Variants in ACACB observed in about 807,000 individuals in gnomAD.
ACACB encodes the protein acetyl-CoA carboxylase 2.
Under a neutral mutation model 278.8 loss-of-function variants are expected in ACACB, and 209 were observed. The observed-to-expected ratio is 0.75, with a 90% CI of 0.67 to 0.84. The LOEUF (loss-of-function observed/expected upper bound fraction) is 0.84. Ranked by LOEUF, ACACB falls within the 40% of genes least tolerant of loss-of-function variation. The probability of loss-of-function intolerance (pLI) is 0.00; values close to 1 mark genes in which losing one functional copy is unlikely to be tolerated. For missense variants in ACACB, 2,850 were observed against 3,269.0 expected, an observed-to-expected ratio of 0.87 and a Z score of 3.13; for synonymous variants, 1,174 against 1,285.6, an observed-to-expected ratio of 0.91 and a Z score of 1.86.
intron 12 of ACACB, among the ~76,000 whole-genome samples, chr12:109,186,629 C>T (rs538445548): frequency 6.4e-4 from 97 of 152,248 alleles, no homozygotes; most frequent in African/African-American, 2.2e-3. Context: ...CATCAATCTA[C>T]TACAACTTAA....
At chr12:109,212,969 G>A in intron 22 of ACACB, 33 bp downstream of exon 22, 7 of 1,589,304 alleles carry the variant, frequency 4.4e-6, no homozygotes, top group Non-Finnish European at 6.0e-6. Flanking sequence ...GGATGTGGTT[G>A]TCACCTGAAT....
At chr12:109,253,561 A>G (rs553052972) in intron 43 of ACACB, among the ~76,000 whole-genome samples, 2 of 152,284 alleles carry the variant, frequency 1.3e-5, no homozygotes, top group East Asian at 1.9e-4. Context: ...CATCTGTGAA[A>G]TGAGAATAAT....
At chr12:109,159,286 GA>G (rs2043644383) in intron 2 of ACACB, among the ~76,000 whole-genome samples, 1 of 152,226 alleles carries the variant, frequency 6.6e-6, no homozygotes, top group Non-Finnish European at 1.5e-5. Context: ...GCCTGGCTCA[GA>G]ATCAGCTCTT....
intron 19 of ACACB, among the ~76,000 whole-genome samples, chr12:109,205,310 C>G (rs2045469523): frequency 6.6e-6 from 1 of 152,198 alleles, no homozygotes; most frequent in Non-Finnish European, 1.5e-5. Flanking sequence ...CCTGCAGCCT[C>G]ACATAAATGC....
chr12:109,127,822 T>C (rs1394622394), intron 1 of ACACB, among the ~76,000 whole-genome samples: 1 of 152,038 alleles, frequency 6.6e-6, no homozygotes, highest in Non-Finnish European at 1.5e-5. Flanking sequence ...TTTTCAAGTC[T>C]TACAGTTCGC....
chr12:109,227,459 A>T lies in ACACB; in HGVS notation c.3971A>T (p.Gln1324Leu), dbSNP rs770661460. ...LPDGTCVVEF[Q>L]FMLPSSHPNR... is the part of the protein sequence containing the mutation. ...GACGGCACCTGCGTGGTAGAATTCC[A>T]GTTCATGCTGCCGTCCTCCCACCCA... Residue 1324 changes from glutamine to leucine, a missense_variant, in exon 28 of 53, where the codon CAG becomes CTG. Gln to Leu is a moderately radical substitution (Grantham distance 113, BLOSUM62 -2). Transcript: ENST00000338432. 3.7e-6 allele frequency: 6 copies of T among 1,614,034 alleles called. No homozygotes were observed. The highest frequency in any genetic ancestry group is 1.7e-5 in the Admixed American group (1 of 60,006).
intron 2 of ACACB, among the ~76,000 whole-genome samples, chr12:109,161,777 T>A (rs992209408): frequency 1.3e-5 from 2 of 151,874 alleles, no homozygotes; most frequent in Admixed American, 6.6e-5. Flanking sequence ...TATACCTACA[T>A]GTATACATGG....
chr12:109,144,073 G>A (rs2043182512), intron 2 of ACACB, among the ~76,000 whole-genome samples: 1 of 152,170 alleles, frequency 6.6e-6, no homozygotes, highest in Non-Finnish European at 1.5e-5. Flanking sequence ...AGTACTTTGG[G>A]AGGCTGAGGT....
intron 12 of ACACB, among the ~76,000 whole-genome samples, chr12:109,187,641 G>A (rs2044709777): frequency 6.6e-6 from 1 of 151,686 alleles, no homozygotes; most frequent in African/African-American, 2.4e-5. Context: ...TTAATTTTTT[G>A]TAGAGATGGG....
intron 1 of ACACB, among the ~76,000 whole-genome samples, chr12:109,133,806 C>T (rs1441135410): frequency 8.0e-6 from 1 of 124,764 alleles, no homozygotes; most frequent in African/African-American, 3.3e-5. Flanking sequence ...CAGCTTGGTT[C>T]AAGACATTGG....
At chr12:109,209,469 C>G in intron 21 of ACACB, 116 bp downstream of exon 21, 1 of 1,059,164 alleles carries the variant, frequency 9.4e-7, no homozygotes, top group Non-Finnish European at 1.3e-6. Context: ...CCACTTATAG[C>G]CTAACATATC....
intron 27 of ACACB, among the ~76,000 whole-genome samples, chr12:109,226,328 C>T (rs559771422): frequency 2.8e-4 from 42 of 152,100 alleles, no homozygotes; most frequent in Admixed American, 2.4e-3. Flanking sequence ...TTCTGTTGGA[C>T]AGCACTGCTC....
chr12:109,143,215 A>G (rs1235508386), intron 2 of ACACB, among the ~76,000 whole-genome samples: 1 of 151,942 alleles, frequency 6.6e-6, no homozygotes, highest in African/African-American at 2.4e-5. Flanking sequence ...TAATTCCAGC[A>G]CTTTGGGTGG....
intron 6 of ACACB, 38 bp from the exon 7 acceptor site, chr12:109,174,094 A>T: frequency 6.4e-7 from 1 of 1,566,014 alleles, no homozygotes; most frequent in Non-Finnish European, 8.7e-7. Context: ...CTTGTGACTG[A>T]CCGGATTCTG....
In ACACB at chr12:109,188,177, CCT is replaced by C; in HGVS notation, c.2144+16_2144+17del. On this transcript the variant is annotated intron_variant, in intron 13 of 52. Coordinates refer to ENST00000338432, the MANE Select transcript of ACACB (RefSeq NM_001093.4). Reference sequence around the variant, plus strand: ...GAGGCCATTTCGTCAGTATCTCCTTCCTTCCTTCCTTCCTTCCTTCCTTCCTT... The same window carrying C: ...GAGGCCATTTCGTCAGTATCTCCTTCTCCTTCCTTCCTTCCTTCCTTCCTT... 4.9e-6 allele frequency: 1 copy of C among 202,712 alleles called. No individual in the cohort carries two copies. Among genetic ancestry groups the C allele is most frequent in the Non-Finnish European group, 8.3e-6 (1 of 119,956 alleles). The allele number at this position is 202,712 out of a possible 1,614,324, so 12.6% of individuals were successfully genotyped here. A position where few individuals can be genotyped will look rare whatever the true frequency, so the allele number is the denominator to read the frequency against.
At chr12:109,139,311 A>C (rs1277770498) in intron 1 of ACACB, 86 bp from the exon 2 acceptor site, 29 of 1,311,434 alleles carry the variant, frequency 2.2e-5, no homozygotes, top group Non-Finnish European at 2.8e-5. Flanking sequence ...ACAGCACCCC[A>C]ACAGCCTCCT....
At chr12:109,190,141 C>T (rs1308597029) in intron 13 of ACACB, among the ~76,000 whole-genome samples, 4 of 152,062 alleles carry the variant, frequency 2.6e-5, no homozygotes, top group African/African-American at 9.7e-5. Flanking sequence ...AAAAAGAAAG[C>T]TTTCTCTCCC....
In ACACB at chr12:109,235,365, A is replaced by AAG; in HGVS notation, c.4403_4404dup (p.Lys1469ArgfsTer43). The AAG allele has an allele frequency of 6.2e-7, 1 of 1,613,924 alleles. No homozygotes were observed. The highest frequency in any genetic ancestry group is 1.1e-5 in the South Asian group (1 of 91,078). The stretch of plus-strand genomic sequence containing the variant: ...CGACGAATCACATTCTTGATTGCCC[A>AAG]AGAGGTTAGTTCACAGTTCATCTCT... On this transcript the variant is annotated frameshift_variant, in exon 32 of 53. Coordinates refer to ENST00000338432, the MANE Select transcript of ACACB (RefSeq NM_001093.4). LOFTEE classifies it high-confidence loss of function.
At chr12:109,196,309 G>C (rs917239108) in intron 16 of ACACB, among the ~76,000 whole-genome samples, 1 of 152,116 alleles carries the variant, frequency 6.6e-6, no homozygotes. Context: ...GGCTACTGTC[G>C]TAAAATACCA....
Sources: allele counts gnomAD v4.1 joint callset (sites outside exome capture counted in the v4.1 genomes callset), GRCh38; gene constraint gnomAD v4.1.1; transcripts MANE v1.5; gene names NCBI Gene and HGNC (gene_info 2026-07-23, HGNC 2026-07-21).